FILIP1: variants seen among roughly 807,000 people sequenced by gnomAD.
The protein encoded by FILIP1 is filamin A interacting protein 1.
Under a neutral mutation model 102.1 loss-of-function variants are expected in FILIP1, and 61 were observed. The observed-to-expected ratio is 0.60, with a 90% confidence interval of 0.49 to 0.74. The LOEUF (loss-of-function observed/expected upper bound fraction) is 0.74, where lower values mean the gene tolerates loss of function less well. FILIP1 is among the 30% of genes least tolerant of loss of function. The pLI is 0.00. For synonymous variants in FILIP1, 491 were observed against 526.9 expected (o/e 0.93, Z 0.93); for missense variants, 1,314 against 1,441.2 (o/e 0.91, Z 1.43).
intron 1 of FILIP1, among the ~76,000 whole-genome samples, chr6:75,470,086 C>T (rs981924032): frequency 6.6e-5 from 10 of 151,870 alleles, no homozygotes; most frequent in African/African-American, 2.4e-4. Flanking sequence ...TAAGTAAAAC[C>T]ATAGTAAGTT....
At chr6:75,380,324 C>CA (rs199864059) in intron 2 of FILIP1, among the ~76,000 whole-genome samples, 8,082 of 151,834 alleles carry the variant, frequency 0.053, 291 homozygotes, top group Non-Finnish European at 0.076. Context: ...AAGAAAAATG[C>CA]CTGAAAGGTA....
intron 1 of FILIP1, among the ~76,000 whole-genome samples, chr6:75,477,266 C>T (rs1051828806): frequency 2.2e-4 from 34 of 152,018 alleles, no homozygotes; most frequent in East Asian, 1.7e-3. Context: ...GGTTACCGGA[C>T]GCTTGGAGTT....
At chr6:75,403,333 G>A (rs2703707) in intron 2 of FILIP1, among the ~76,000 whole-genome samples, 3,903 of 151,838 alleles carry the variant, frequency 0.026, 179 homozygotes, top group African/African-American at 0.089. Context: ...AGGCAACATC[G>A]TGAGACCCCA....
At chr6:75,447,204 A>G (rs1778468378) in intron 1 of FILIP1, among the ~76,000 whole-genome samples, 1 of 152,200 alleles carries the variant, frequency 6.6e-6, no homozygotes, top group African/African-American at 2.4e-5. Context: ...GGGAAAAAGG[A>G]AAGAAAACGG....
intron 2 of FILIP1, among the ~76,000 whole-genome samples, chr6:75,405,672 C>T (rs1410361596): frequency 6.6e-6 from 1 of 152,112 alleles, no homozygotes; most frequent in East Asian, 1.9e-4. Context: ...TTATCCCTGA[C>T]GCACATGGCC....
intron 2 of FILIP1, chr6:75,385,607 G>A (rs1420282483): frequency 1.4e-4 from 21 of 152,032 alleles, no homozygotes. Flanking sequence ...TTAATTTTCA[G>A]ATAAGTATAT....
intron 2 of FILIP1, among the ~76,000 whole-genome samples, chr6:75,408,166 G>T (rs1013694704): frequency 4.6e-5 from 7 of 152,180 alleles, no homozygotes; most frequent in African/African-American, 1.7e-4. Context: ...GAAAGTAATT[G>T]GTATTGGAAG....
At chr6:75,318,147 G>A (rs1255855388) in intron 4 of FILIP1, among the ~76,000 whole-genome samples, 1 of 147,102 alleles carries the variant, frequency 6.8e-6, no homozygotes, top group Non-Finnish European at 1.5e-5. Context: ...CATCCTCCAA[G>A]TTTCACTTCA....
At chr6:75,398,837 A>C (rs1427049809) in intron 2 of FILIP1, 2 of 113,920 alleles carry the variant, frequency 1.8e-5, no homozygotes, top group Non-Finnish European at 3.8e-5. Flanking sequence ...TCCTAACTTA[A>C]AGCGAAATTT....
intron 4 of FILIP1, among the ~76,000 whole-genome samples, chr6:75,330,914 C>A (rs1260843614): frequency 6.6e-6 from 1 of 152,098 alleles, no homozygotes; most frequent in Non-Finnish European, 1.5e-5. Context: ...CAACAACCCA[C>A]AACAAACTAA....
chr6:75,302,743 G>A (rs971158860), intron 6 of FILIP1, among the ~76,000 whole-genome samples: 1 of 152,008 alleles, frequency 6.6e-6, no homozygotes, highest in African/African-American at 2.4e-5. Context: ...AGTGCCTCAA[G>A]TACATAGCAT....
chr6:75,375,042 G>C (rs564965868), intron 2 of FILIP1, among the ~76,000 whole-genome samples: 185 of 152,320 alleles, frequency 1.2e-3, no homozygotes, highest in African/African-American at 4.2e-3. Flanking sequence ...CATCCCCAGG[G>C]AGGAAGGGCA....
intron 3 of FILIP1, among the ~76,000 whole-genome samples, chr6:75,358,869 C>T (rs941672317): frequency 4.0e-5 from 6 of 151,464 alleles, no homozygotes; most frequent in Admixed American, 2.0e-4. Flanking sequence ...ACCACAGGCG[C>T]GCACCACCAC....
In FILIP1 at chr6:75,314,210, A is replaced by G. The variant is rs757337165; in HGVS notation, c.1622T>C (p.Met541Thr). Residue 541 changes from methionine to threonine, a missense_variant, in exon 5 of 6, where the codon ATG (methionine) becomes ACG (threonine). Physicochemically the swap from Met to Thr is moderately conservative, Grantham distance 81. Around this residue, in one of 3 missense-constraint regions of FILIP1, gnomAD observed 816 missense variants for 913.1 expected, o/e 0.89. Transcript: ENST00000237172. ...KNFKVEQGKV[M>T]DVTEKLIEES... ...TTCAATTAGTTTTTCAGTTACATCC[A>G]TAACTTTTCCTTGTTCCACCTTAAA... 34 of 1,562,022 alleles carry G rather than the reference A, an allele frequency of 2.2e-5. No homozygotes were observed. The highest frequency in any genetic ancestry group is 2.7e-5 in the Non-Finnish European group (31 of 1,164,822).
chr6:75,415,424 T>C (rs1055237035), intron 1 of FILIP1, among the ~76,000 whole-genome samples: 4 of 142,348 alleles, frequency 2.8e-5, no homozygotes, highest in Non-Finnish European at 6.2e-5. Context: ...TAAAATAAAA[T>C]AAAAATAAAT....
At position 75,315,667 on chromosome 6, in the gene FILIP1, C is replaced by G. The variant is rs1773419754; in HGVS notation, c.630-465G>C. ...TAACCCTATGAGATATGTATTGCTA[C>G]TATCATCACCATGAAAAAACATGAG... On this transcript the variant is annotated intron_variant, in intron 4 of 5. Coordinates refer to ENST00000237172, the MANE Select transcript of FILIP1 (RefSeq NM_015687.5). Among the ~76,000 whole-genome samples the G allele has an allele frequency of 2.0e-5, 3 of 152,302 alleles. No homozygotes were observed. The South Asian group carries it at 6.2e-4, about 32-fold the overall frequency.
rs1774886337 is a variant in FILIP1 at position 75,353,615 on chromosome 6, T to A, written c.553A>T (p.Asn185Tyr). 1.2e-6 allele frequency: 2 copies of A among 1,614,096 alleles called. No individual in the cohort carries two copies. Among genetic ancestry groups the A allele is most frequent in the African/African-American group, 2.7e-5 (2 of 74,938 alleles). ...CHRRTVYELE[N>Y]EKHKHTDYMN... ...TAGTCAGTGTGTTTATGCTTCTCGT[T>A]CTCTAACTCGTATACGGTGCGCCTA... Residue 185 changes from asparagine (N) to tyrosine (Y), a missense_variant, in exon 4 of 6, where the codon AAC (asparagine) becomes TAC (tyrosine). By Grantham distance (143) the Asn-to-Tyr change is moderately radical. Coordinates refer to ENST00000237172, the MANE Select transcript of FILIP1 (RefSeq NM_015687.5).
At chr6:75,390,768 G>C (rs192907042) in intron 2 of FILIP1, among the ~76,000 whole-genome samples, 3 of 152,244 alleles carry the variant, frequency 2.0e-5, no homozygotes. Flanking sequence ...CATATCAATA[G>C]TCATGGGCCA....
At position 75,378,780 on chromosome 6, in the gene FILIP1, GACAAATA is replaced by G. The variant is rs1204792114; in HGVS notation, c.277-15870_277-15864del. 8.5e-5 allele frequency among the ~76,000 whole-genome samples: 13 copies of G among 152,076 alleles called. No homozygotes were observed. The East Asian group carries it at 1.7e-3, about 20-fold the overall frequency. ...CCTCTGTTCCCATCAAATCAAGTTG[GACAAATA>G]TAGTAATGAGAAAGAGTTTGGCCAC... On this transcript the variant is annotated intron_variant, in intron 2 of 5. Transcript: ENST00000237172.
Sources: gnomAD v4.1 joint callset for allele counts (sites outside exome capture counted in the v4.1 genomes callset) on GRCh38, gnomAD v4.1.1 for gene constraint, gnomAD v4.1.1 regional missense constraint, MANE v1.5 for transcripts, NCBI Gene and HGNC (gene_info 2026-07-23, HGNC 2026-07-21) for gene names.